The following ANKRD11 variants were observed in gnomAD, a reference collection of about 807,000 sequenced individuals.
ANKRD11 encodes ankyrin repeat domain 11, also known as ankyrin repeat domain-containing protein 11.
A neutral mutation model predicts 195.7 loss-of-function variants in ANKRD11; 17 were observed. That is an observed-to-expected ratio of 0.09 (90% CI 0.06 to 0.13). The LOEUF is 0.13. ANKRD11 is among the 10% of genes least tolerant of loss of function. The pLI is 1.00. For synonymous variants in ANKRD11, 1,953 were observed against 1,528.1 expected, an observed-to-expected ratio of 1.28 and a Z score of -6.49; for missense variants, 3,735 against 3,566.1, an observed-to-expected ratio of 1.05 and a Z score of -1.21.
intron 1 of ANKRD11, among the ~76,000 whole-genome samples, chr16:89,470,305 C>G (rs1355684698): frequency 6.6e-6 from 1 of 152,102 alleles, no homozygotes; most frequent in Admixed American, 6.6e-5. Context: ...GATTCAAACC[C>G]TTTCTACAAA....
At chr16:89,343,182 G>A (rs992545469) in intron 2 of ANKRD11, among the ~76,000 whole-genome samples, 85 of 152,200 alleles carry the variant, frequency 5.6e-4, no homozygotes, top group African/African-American at 2.0e-3. Context: ...GTGGAGACGG[G>A]GTTTCACCAT....
Position 89,386,031 on chromosome 16 carries a change from C to T in ANKRD11, c.-60+32253G>A, listed in dbSNP as rs1057151012. On this transcript the variant is annotated intron_variant, in intron 2 of 12. Transcript: ENST00000301030. ...GGTAGCTGGGACCACGGGTGTGCGC[C>T]GCCATGCCCGCAAACTGGGTCCAAT... 3.3e-5 allele frequency among the ~76,000 whole-genome samples: 5 copies of T among 152,232 alleles called. No individual in the cohort carries two copies. The East Asian group carries it at 9.6e-4, about 29-fold the overall frequency.
chr16:89,313,289 C>T (rs762567319), intron 3 of ANKRD11: 192 of 1,281,436 alleles, frequency 1.5e-4, no homozygotes, highest in Middle Eastern at 3.3e-4. Context: ...GGGGTGGGGA[C>T]GACACTGTTC....
intron 3 of ANKRD11, chr16:89,313,232 T>C (rs1394143352): frequency 1.6e-5 from 19 of 1,225,148 alleles, no homozygotes; most frequent in South Asian, 4.1e-5. Context: ...TGGAGCACAA[T>C]GAGACAGGGT....
rs1171733992 is a variant in ANKRD11, at chr16:89,285,092, C to T, written c.1450G>A (p.Glu484Lys). Reference sequence around the variant, plus strand: ...TCATCCTCCCCACTCTCTGAGGACTCGCTCTCCGACTCCGAGGAGCAGAAC... The same window carrying T: ...TCATCCTCCCCACTCTCTGAGGACTTGCTCTCCGACTCCGAGGAGCAGAAC... ...DKFCSSESESESSESGEDDRD... is the reference protein window; with the variant it reads ...DKFCSSESESKSSESGEDDRD... The change falls in exon 9 of 13, where the codon GAG becomes AAG. Residue 484 changes from glutamate (E) to lysine (K), a missense_variant. Physicochemically the swap from Glu to Lys is moderately conservative, Grantham distance 56. Coordinates refer to ENST00000301030, the MANE Select transcript of ANKRD11 (RefSeq NM_013275.6). This position sits in a 1 kb window ranked among gnomAD's most constrained non-coding sequence, Gnocchi z 5.6. 40 of 1,613,696 alleles carry T rather than the reference C, an allele frequency of 2.5e-5. No individual in the cohort carries two copies. The highest frequency in any genetic ancestry group is 7.7e-5 in the South Asian group (7 of 91,086).
At chr16:89,286,922 A>C (rs1208740950) in intron 7 of ANKRD11, 11 of 1,289,652 alleles carry the variant, frequency 8.5e-6, no homozygotes, top group Non-Finnish European at 1.1e-5. Context: ...CATAACGTTT[A>C]CTATAGACTC....
intron 2 of ANKRD11, among the ~76,000 whole-genome samples, chr16:89,355,046 C>T (rs1442133772): frequency 6.6e-6 from 1 of 151,502 alleles, no homozygotes; most frequent in South Asian, 2.1e-4. Context: ...AACGCCAGAA[C>T]AACATGTTTG....
At chr16:89,301,101 T>C (rs888972485) in intron 4 of ANKRD11, 1 of 536,360 alleles carries the variant, frequency 1.9e-6, no homozygotes. Flanking sequence ...TGACTGATTA[T>C]TTATTTATCT....
chr16:89,456,539 T>G (rs2152325185), intron 1 of ANKRD11, among the ~76,000 whole-genome samples: 1 of 148,818 alleles, frequency 6.7e-6, no homozygotes, highest in South Asian at 2.1e-4. Flanking sequence ...CAAGACTCCG[T>G]TTCAAAAAAA....
chr16:89,413,780 G>T (rs2042189702), intron 2 of ANKRD11, among the ~76,000 whole-genome samples: 1 of 152,172 alleles, frequency 6.6e-6, no homozygotes, highest in South Asian at 2.1e-4. Flanking sequence ...CTCCCCAGGG[G>T]TGAGGGTGCC....
At chr16:89,428,325 A>G (rs2042812907) in intron 1 of ANKRD11, among the ~76,000 whole-genome samples, 1 of 152,142 alleles carries the variant, frequency 6.6e-6, no homozygotes, top group African/African-American at 2.4e-5. Context: ...GGAGATCGAG[A>G]CCATCCTGGC....
chr16:89,361,660 C>G (rs2039737506), intron 2 of ANKRD11: 1 of 152,226 alleles, frequency 6.6e-6, no homozygotes, highest in Non-Finnish European at 1.5e-5. Context: ...GACACAGGCT[C>G]AGGGAGACCT....
At chr16:89,337,270 G>GAA (rs2038412331) in intron 2 of ANKRD11, among the ~76,000 whole-genome samples, 1 of 151,808 alleles carries the variant, frequency 6.6e-6, no homozygotes, top group Non-Finnish European at 1.5e-5. Flanking sequence ...TGCTCCCAAG[G>GAA]AAACGTCAGA....
rs10567322 is a variant in ANKRD11 at position 89,381,331 on chromosome 16, C to CAAAAAA, written c.-60+36947_-60+36952dup. Among the ~76,000 whole-genome samples the CAAAAAA allele has an allele frequency of 6.8e-4, 52 of 76,368 alleles. 1 individual carries two copies. Among genetic ancestry groups the CAAAAAA allele is most frequent in the African/African-American group, 2.8e-3 (49 of 17,420 alleles). The allele number at this position is 76,368 out of a possible 152,430, so 50.1% of individuals were successfully genotyped here. A position where few individuals can be genotyped will look rare whatever the true frequency, so the allele number is the denominator to read the frequency against. On this transcript the variant is annotated intron_variant, in intron 2 of 12. Coordinates refer to ENST00000301030, the MANE Select transcript of ANKRD11 (RefSeq NM_013275.6). ...TGGGCTACAGAGCGAGACTCTGCTG[C>CAAAAAA]AAAAAAAAAAAAAAAAAAAAAAAGG...
Position 89,283,288 on chromosome 16 carries a change from T to G in ANKRD11, c.3254A>C (p.Glu1085Ala). ...CCCAGGGAAAGCCTTCTCCTTCTTCTCTTTCCCTTGGTCGAGAGACGCTTT... is the reference window on the plus strand; with the variant it reads ...CCCAGGGAAAGCCTTCTCCTTCTTCGCTTTCCCTTGGTCGAGAGACGCTTT... ...ERKASLDQGK[E>A]KKEKAFPGII... The change falls in exon 9 of 13, where the codon GAG (glutamate) becomes GCG (alanine). Residue 1085 changes from glutamate (E) to alanine (A), a missense_variant. Transcript: ENST00000301030. The surrounding 1 kb of genome is among the most constrained non-coding windows in gnomAD (Gnocchi z 4.3). 1 of 1,614,212 alleles carries G rather than the reference T, an allele frequency of 6.2e-7. No homozygotes were observed.
At chr16:89,300,648 G>C in intron 4 of ANKRD11, 2 of 507,382 alleles carry the variant, frequency 3.9e-6, no homozygotes, top group Non-Finnish European at 6.9e-6. Flanking sequence ...TCCAGGAATG[G>C]GGAAGCAGGA....
chr16:89,445,322 C>T (rs1429686983), intron 1 of ANKRD11, among the ~76,000 whole-genome samples: 2 of 152,224 alleles, frequency 1.3e-5, no homozygotes, highest in African/African-American at 2.4e-5. Flanking sequence ...AACCACTGCT[C>T]AGCCGTTTCG....
At chr16:89,455,933 T>A (rs970051223) in intron 1 of ANKRD11, among the ~76,000 whole-genome samples, 1 of 152,080 alleles carries the variant, frequency 6.6e-6, no homozygotes, top group Non-Finnish European at 1.5e-5. Context: ...CACAGCACTA[T>A]TGAAAACAGA....
intron 2 of ANKRD11, among the ~76,000 whole-genome samples, chr16:89,415,261 C>CT (rs34004237): frequency 0.021 from 1,775 of 84,512 alleles, 55 homozygotes; most frequent in Non-Finnish European, 0.022. Context: ...GCCAGCTATT[C>CT]TTTTTTTTTT....
Sources: gnomAD v4.1 joint callset for allele counts (sites outside exome capture counted in the v4.1 genomes callset) on GRCh38, gnomAD v4.1.1 for gene constraint, Gnocchi (gnomAD v3.1) non-coding constraint, MANE v1.5 for transcripts, NCBI Gene and HGNC (gene_info 2026-07-23, HGNC 2026-07-21) for gene names.